Variants in CHD2 observed in about 807,000 individuals in gnomAD.
The protein encoded by CHD2 is chromodomain helicase DNA binding protein 2, also known as ATP-dependent chromatin remodeler CHD2.
Under a neutral mutation model 243.9 loss-of-function variants are expected in CHD2, and 28 were observed. The ratio of observed to expected loss-of-function variants is 0.11; its 90% CI spans 0.09 to 0.16. The LOEUF is 0.16. CHD2 is among the 10% of genes least tolerant of loss of function. The pLI is 1.00. For missense variants in CHD2, 1,386 were observed against 2,209.8 expected, an observed-to-expected ratio of 0.63 and a Z score of 7.47; for synonymous variants, 775 against 779.0, an observed-to-expected ratio of 0.99 and a Z score of 0.09.
intron 18 of CHD2, 80 bp from the exon 19 acceptor site, chr15:92,972,185 A>T (rs2053850284): frequency 1.4e-6 from 2 of 1,452,770 alleles, no homozygotes; most frequent in East Asian, 2.3e-5. Context: ...GATGATTTTT[A>T]AAATATGGAT....
In CHD2 at chr15:92,900,607, C is replaced by T. The variant is rs2052515480; in HGVS notation, c.-289C>T. 5.0e-6 allele frequency: 2 copies of T among 398,494 alleles called. No individual in the cohort carries two copies. Among genetic ancestry groups the T allele is most frequent in the Non-Finnish European group, 8.8e-6 (2 of 226,076 alleles). The allele number at this position is 398,494 out of a possible 1,614,324, so 24.7% of individuals were successfully genotyped here. A position where few individuals can be genotyped will look rare whatever the true frequency, so the allele number is the denominator to read the frequency against. ...CAGCTTAGAAGCCATGGCGCACCTC[C>T]ATTTTTGTGCGCTCTCCTAATGAGG... On this transcript the variant is annotated 5_prime_UTR_variant, in exon 1 of 39. Transcript: ENST00000394196.
chr15:92,948,147 G>A (rs1008834504), intron 12 of CHD2, among the ~76,000 whole-genome samples: 1 of 152,144 alleles, frequency 6.6e-6, no homozygotes, highest in African/African-American at 2.4e-5. Context: ...GCTTCTGGGG[G>A]TGAAAACAAC....
At chr15:92,970,632 C>T (rs1219131079) in intron 17 of CHD2, among the ~76,000 whole-genome samples, 1 of 152,274 alleles carries the variant, frequency 6.6e-6, no homozygotes. Flanking sequence ...ATACCGTATA[C>T]ACTTTTCTCT....
Position 92,943,004 on chromosome 15 carries a change from C to A in CHD2, c.988C>A (p.Gln330Lys), listed in dbSNP as rs2053406425. The A allele has an allele frequency of 6.2e-7, 1 of 1,613,828 alleles. No homozygotes were observed. The change falls in exon 9 of 39, where the codon CAG (glutamine) becomes AAG (lysine). Residue 330 changes from glutamine to lysine, a missense_variant. Around this residue, in one of 19 missense-constraint regions of CHD2, gnomAD observed 200 missense variants for 292.5 expected, o/e 0.68. Transcript: ENST00000394196. Reference protein sequence around the residue: ...TWESEESLQQQKVKGLKKLEN... With the variant: ...TWESEESLQQKKVKGLKKLEN... ...GGAGAGTGAAGAATCCTTACAGCAA[C>A]AGAAAGTGAAGGGCCTAAAAAAACT...
intron 35 of CHD2, among the ~76,000 whole-genome samples, chr15:93,011,027 G>C (rs1002830224): frequency 3.3e-5 from 5 of 151,172 alleles, no homozygotes; most frequent in African/African-American, 1.2e-4. Context: ...TTTTTTTTCC[G>C]CTTAACACTG....
Position 92,998,622 on chromosome 15 carries a change from G to A in CHD2, c.4008+1G>A. 1 of 1,611,908 alleles carries A rather than the reference G, an allele frequency of 6.2e-7. No individual in the cohort carries two copies. The highest frequency in any genetic ancestry group is 8.5e-7 in the Non-Finnish European group (1 of 1,179,546). ...GGGGGCTGTGACAGGTGGGGAAGAG[G>A]TGAGTACGCTGCCAGCTGGTTGTTT... is the stretch of plus-strand genomic sequence containing the variant. On this transcript the variant is annotated splice_donor_variant, in intron 31 of 38. Transcript: ENST00000394196. LOFTEE classifies it high-confidence loss of function. The surrounding 1 kb of genome is among the most constrained non-coding windows in gnomAD (Gnocchi z 5.1).
At position 92,972,211 on chromosome 15, in the gene CHD2, A is replaced by G. The variant is rs1036301142; in HGVS notation, c.2353-54A>G. The G allele has an allele frequency of 4.5e-6, 7 of 1,557,058 alleles. No individual in the cohort carries two copies. In the East Asian group the frequency reaches 1.1e-4, roughly 25 times the overall value. On this transcript the variant is annotated intron_variant, in intron 18 of 38. Transcript: ENST00000394196. ...AAATATGGATTTGTAGAGATTAGGG[A>G]AGATTAAAATTTGTGTTTCAACATA...
At chr15:93,010,833 A>G (rs796350545) in intron 35 of CHD2, among the ~76,000 whole-genome samples, 1 of 152,328 alleles carries the variant, frequency 6.6e-6, no homozygotes, top group African/African-American at 2.4e-5. Context: ...GCTTGTTTGT[A>G]CATAACCACA....
At chr15:93,007,548 G>T (rs1470487549) in intron 34 of CHD2, among the ~76,000 whole-genome samples, 1 of 152,158 alleles carries the variant, frequency 6.6e-6, no homozygotes, top group Non-Finnish European at 1.5e-5. Flanking sequence ...CTGTGGAAAT[G>T]ACCACAAAGT....
At chr15:93,006,275 C>G (rs2054320946) in intron 34 of CHD2, among the ~76,000 whole-genome samples, 1 of 151,930 alleles carries the variant, frequency 6.6e-6, no homozygotes, top group South Asian at 2.1e-4. Flanking sequence ...TACAGATGCG[C>G]ACCACCACAC....
rs2054559676 is a variant in CHD2, at chr15:93,023,678, T to G, written c.5154-694T>G. Among the ~76,000 whole-genome samples, 4 of 138,746 alleles carry G rather than the reference T, an allele frequency of 2.9e-5. No homozygotes were observed. In the South Asian group the frequency reaches 9.2e-4, roughly 32 times the overall value. The allele number at this position is 138,746 out of a possible 152,430, so 91.0% of individuals were successfully genotyped here. A position where few individuals can be genotyped will look rare whatever the true frequency, so the allele number is the denominator to read the frequency against. The stretch of plus-strand genomic sequence containing the variant: ...ACACTTATTTCCTGGGTTTTTTTTT[T>G]GTGTTTTTTTTTAATGAGTATCTCC... On this transcript the variant is annotated intron_variant, in intron 38 of 38. Transcript: ENST00000394196.
At position 92,971,748 on chromosome 15, in the gene CHD2, A is replaced by G. The variant is rs2053845252; in HGVS notation, c.2190-17A>G. 3.1e-6 allele frequency: 5 copies of G among 1,608,126 alleles called. No individual in the cohort carries two copies. The highest frequency in any genetic ancestry group is 2.7e-5 in the African/African-American group (2 of 74,538). ...TTTTTTTGTATCTAGTAGTATCATT[A>G]TCATTTTAATTTGCAGGTGGATTCT... On this transcript the variant is annotated splice_polypyrimidine_tract_variant and intron_variant, in intron 17 of 38. Transcript: ENST00000394196.
intron 28 of CHD2, among the ~76,000 whole-genome samples, chr15:92,996,471 A>G (rs1167759169): frequency 6.6e-6 from 1 of 152,012 alleles, no homozygotes; most frequent in East Asian, 1.9e-4. Flanking sequence ...GGTTAGTGTA[A>G]TTTTCTTAAG....
At chr15:92,965,565 CAAAAAAAAAAAAAAAAAA>C (rs61447848) in intron 16 of CHD2, among the ~76,000 whole-genome samples, 18 of 111,038 alleles carry the variant, frequency 1.6e-4, no homozygotes, top group South Asian at 2.9e-4. Flanking sequence ...ACTCTTTCTC[CAAAAAAAAAAAAAAAAAA>C]AAAAAAAAAA....
chr15:92,969,833 A>G (rs996928219), intron 17 of CHD2, among the ~76,000 whole-genome samples: 1 of 145,824 alleles, frequency 6.9e-6, no homozygotes, highest in Non-Finnish European at 1.5e-5. Context: ...TTTTTTTGAG[A>G]CGGAGTCTCA....
In CHD2 at chr15:93,003,445, C is replaced by T. The variant is rs114522628; in HGVS notation, c.4278+1128C>T. 1.0e-2 allele frequency among the ~76,000 whole-genome samples: 1,513 copies of T among 151,810 alleles called. 30 individuals are homozygous for T. Among genetic ancestry groups the T allele is most frequent in the African/African-American group, 0.035 (1,455 of 41,372 alleles). The stretch of plus-strand genomic sequence containing the variant: ...AATAACCTGTGCATTTGTGCTCCCA[C>T]AGAAAGACATTATTTTTCTTAAAGT... On this transcript the variant is annotated intron_variant, in intron 33 of 38. Transcript: ENST00000394196.
intron 34 of CHD2, among the ~76,000 whole-genome samples, chr15:93,008,817 G>T: frequency 6.6e-6 from 1 of 152,126 alleles, no homozygotes; most frequent in Non-Finnish European, 1.5e-5. Context: ...TTCAGATTAG[G>T]TCTGTAATAC....
Position 92,967,452 on chromosome 15 carries a change from C to A in CHD2, c.2128C>A (p.Pro710Thr), listed in dbSNP as rs2053780053. The A allele has an allele frequency of 6.2e-7, 1 of 1,613,868 alleles. No homozygotes were observed. The change falls in exon 17 of 39, where the codon CCT becomes ACT. Residue 710 changes from proline (P) to threonine (T), a missense_variant. Transcript: ENST00000394196. ...RVKKDVEKSL[P>T]AKVEQILRVE... ...CAAAAAAGATGTGGAGAAATCCCTT[C>A]CTGCTAAAGTGGAACAGATTCTCAG...
At chr15:92,908,916 C>G (rs998680075) in intron 2 of CHD2, among the ~76,000 whole-genome samples, 3 of 151,930 alleles carry the variant, frequency 2.0e-5, no homozygotes, top group African/African-American at 7.3e-5. Context: ...GTAGGGAGTT[C>G]GAGAACAGCC....
Sources: allele counts gnomAD v4.1 joint callset (sites outside exome capture counted in the v4.1 genomes callset), GRCh38; gene constraint gnomAD v4.1.1; regional missense constraint gnomAD v4.1.1; non-coding constraint Gnocchi (gnomAD v3.1); transcripts MANE v1.5; gene names NCBI Gene and HGNC (gene_info 2026-07-23, HGNC 2026-07-21).